The following ZNF382 variants were observed in gnomAD, a reference collection of about 807,000 sequenced individuals.
ZNF382 encodes the protein KRAB/zinc finger suppressor protein 1.
A neutral mutation model predicts 38.8 loss-of-function variants in ZNF382; 20 were observed. The observed-to-expected ratio is 0.51, with a 90% CI of 0.36 to 0.75. The LOEUF is 0.75. Ranked by LOEUF, ZNF382 falls within the 30% of genes least tolerant of loss-of-function variation. ZNF382 has a pLI of 0.00. For synonymous variants in ZNF382, 202 were observed against 223.1 expected (o/e 0.91, Z 0.84); for missense variants, 546 against 654.1 (o/e 0.83, Z 1.80).
At chr19:36,612,562 A>G (rs1469382754) in intron 4 of ZNF382, among the ~76,000 whole-genome samples, 2 of 152,226 alleles carry the variant, frequency 1.3e-5, no homozygotes, top group East Asian at 1.9e-4. Context: ...TAAAACTACT[A>G]TACCATTTTA....
intron 4 of ZNF382, among the ~76,000 whole-genome samples, chr19:36,622,905 T>G (rs904737016): frequency 1.6e-4 from 25 of 152,188 alleles, no homozygotes; most frequent in African/African-American, 5.8e-4. Context: ...CTCCATGAAA[T>G]ACCTTGACTA....
At chr19:36,620,464 T>C (rs910707495) in intron 4 of ZNF382, among the ~76,000 whole-genome samples, 2 of 152,354 alleles carry the variant, frequency 1.3e-5, no homozygotes, top group South Asian at 2.1e-4. Context: ...ATTAGGCCTC[T>C]CATTGGTCCT....
intron 2 of ZNF382, chr19:36,609,586 C>T (rs1335174365): frequency 2.3e-5 from 4 of 173,728 alleles, no homozygotes; most frequent in South Asian, 1.9e-4. Context: ...TTACCTTGTA[C>T]GTATTTCTGT....
At chr19:36,624,107 CTA>C (rs1291404363) in intron 4 of ZNF382, among the ~76,000 whole-genome samples, 1 of 151,690 alleles carries the variant, frequency 6.6e-6, no homozygotes, top group East Asian at 1.9e-4. Flanking sequence ...AAAGGAAAGA[CTA>C]TGTGAAAACT....
At position 36,626,520 on chromosome 19, in the gene ZNF382, C is replaced by A. The variant is rs2037214680; in HGVS notation, c.623C>A (p.Pro208Gln). ...ELIQHQKVQA[P>Q]EQPFDHNECE... ...ATTCAGCATCAGAAGGTTCAAGCTC[C>A]AGAGCAACCATTTGACCATAATGAA... Residue 208 changes from proline to glutamine, a missense_variant, in exon 5 of 5, where the codon CCA becomes CAA. Physicochemically the swap from Pro to Gln is moderately conservative, Grantham distance 76 (BLOSUM62 -1). Transcript: ENST00000292928. The A allele has an allele frequency of 6.2e-7, 1 of 1,610,896 alleles. No homozygotes were observed. The highest frequency in any genetic ancestry group is 1.7e-5 in the Admixed American group (1 of 59,380).
At chr19:36,605,958 T>C (rs1277775063) in intron 1 of ZNF382, among the ~76,000 whole-genome samples, 1 of 152,272 alleles carries the variant, frequency 6.6e-6, no homozygotes, top group African/African-American at 2.4e-5. Flanking sequence ...GTGGGGCCTG[T>C]AGGTTGGTGG....
chr19:36,616,181 G>A (rs1210108186), intron 4 of ZNF382, among the ~76,000 whole-genome samples: 2 of 152,106 alleles, frequency 1.3e-5, no homozygotes, highest in African/African-American at 2.4e-5. Context: ...GGAGTGTGAG[G>A]CCAGCCTGGG....
At chr19:36,618,698 T>A (rs1329460021) in intron 4 of ZNF382, among the ~76,000 whole-genome samples, 2 of 151,956 alleles carry the variant, frequency 1.3e-5, no homozygotes, top group East Asian at 3.9e-4. Context: ...GTTTTTTTTT[T>A]ATCAGCTGGA....
rs1054976432 is a variant in ZNF382 at position 36,631,589 on chromosome 19, T to C, written c.*4039T>C. ...TTTTAGTAGAGACGGGGTTTCACCA[T>C]GTTGGCCAGGATGGTCTCAATCTCC... On this transcript the variant is annotated 3_prime_UTR_variant, in exon 5 of 5. Transcript: ENST00000292928. 1 of 152,166 alleles carries C rather than the reference T, an allele frequency of 6.6e-6. No individual in the cohort carries two copies. The highest frequency in any genetic ancestry group is 1.5e-5 in the Non-Finnish European group (1 of 68,138). 9.4% of individuals were successfully genotyped at this position (152,166 alleles called of 1,614,324 possible).
chr19:36,634,001 T>C lies in ZNF382; in HGVS notation c.*6451T>C, dbSNP rs978661582. On this transcript the variant is annotated 3_prime_UTR_variant, in exon 5 of 5. Coordinates refer to ENST00000292928, the MANE Select transcript of ZNF382 (RefSeq NM_032825.5). ...TTGGAATTGTTTTGTATCCTGCTTG[T>C]GGTCATAGATAAAAAATCTATGCAT... The C allele has an allele frequency of 1.3e-5, 2 of 150,144 alleles. No individual in the cohort carries two copies. The highest frequency in any genetic ancestry group is 4.8e-5 in the African/African-American group (2 of 41,320). The allele number at this position is 150,144 out of a possible 1,614,324, so 9.3% of individuals were successfully genotyped here. A position where few individuals can be genotyped will look rare whatever the true frequency, so the allele number is the denominator to read the frequency against.
intron 4 of ZNF382, among the ~76,000 whole-genome samples, chr19:36,617,239 A>G (rs1216859977): frequency 6.6e-6 from 1 of 152,204 alleles, no homozygotes; most frequent in Non-Finnish European, 1.5e-5. Flanking sequence ...AGAAAAACCC[A>G]GGAAGAAAGA....
chr19:36,627,455 T>C lies in ZNF382; in HGVS notation c.1558T>C (p.Tyr520His), dbSNP rs758547743. 3.1e-6 allele frequency: 5 copies of C among 1,613,950 alleles called. No homozygotes were observed. Among genetic ancestry groups the C allele is most frequent in the South Asian group, 1.1e-5 (1 of 91,086 alleles). Residue 520 changes from tyrosine to histidine, a missense_variant, in exon 5 of 5, where the codon TAT (tyrosine) becomes CAT (histidine). By Grantham distance (83) the Tyr-to-His change is moderately conservative (BLOSUM62 2). Transcript: ENST00000292928. ...HQKTHTGEKP[Y>H]ECKQCGKFFS... Reference sequence around the variant, plus strand: ...GAAAACTCACACAGGCGAGAAACCATATGAATGTAAACAGTGTGGGAAGTT... The same window carrying C: ...GAAAACTCACACAGGCGAGAAACCACATGAATGTAAACAGTGTGGGAAGTT...
chr19:36,610,495 T>C, intron 3 of ZNF382, 155 bp from the exon 4 acceptor site: 1 of 501,050 alleles, frequency 2.0e-6, no homozygotes, highest in East Asian at 3.5e-5. Flanking sequence ...GAAAAGAAAA[T>C]ATGATTATAT....
chr19:36,626,042 A>G, intron 4 of ZNF382, 88 bp from the exon 5 acceptor site: 1 of 894,256 alleles, frequency 1.1e-6, no homozygotes, highest in South Asian at 3.4e-5. Context: ...CACGGTAGTG[A>G]GATAGTCCCA....
At chr19:36,608,562 G>A (rs1426277695) in intron 2 of ZNF382, 1 of 152,064 alleles carries the variant, frequency 6.6e-6, no homozygotes, top group Admixed American at 6.6e-5. Context: ...GATGCTAATT[G>A]GTTCTCTTCT....
At chr19:36,623,265 A>G (rs1362808527) in intron 4 of ZNF382, among the ~76,000 whole-genome samples, 1 of 152,200 alleles carries the variant, frequency 6.6e-6, no homozygotes, top group Non-Finnish European at 1.5e-5. Context: ...TTCAGATAAC[A>G]GTGTGTAAAC....
In ZNF382 at chr19:36,626,793, C is replaced by T; in HGVS notation, c.896C>T (p.Pro299Leu). The stretch of plus-strand genomic sequence containing the variant: ...ACAGAAGAGAAACCCTTTCACTGTC[C>T]TTACTGTGGGAATAACTTTAGAAGG... ...PQTEEKPFHC[P>L]YCGNNFRRKS... The change falls in exon 5 of 5, where the codon CCT becomes CTT. Residue 299 changes from proline (P) to leucine (L), a missense_variant. Transcript: ENST00000292928. The T allele has an allele frequency of 6.2e-7, 1 of 1,614,216 alleles. No homozygotes were observed. Among genetic ancestry groups the T allele is most frequent in the Non-Finnish European group, 8.5e-7 (1 of 1,180,052 alleles).
At position 36,614,601 on chromosome 19, in the gene ZNF382, T is replaced by C. The variant is rs557899137; in HGVS notation, c.232+3859T>C. Among the ~76,000 whole-genome samples, 7 of 152,278 alleles carry C rather than the reference T, an allele frequency of 4.6e-5. No individual in the cohort carries two copies. The East Asian group carries it at 1.4e-3, about 29-fold the overall frequency. On this transcript the variant is annotated intron_variant, in intron 4 of 4. Coordinates refer to ENST00000292928, the MANE Select transcript of ZNF382 (RefSeq NM_032825.5). ...TTACATATTGCTCATTAAGTTTCTC[T>C]CTAAGCTTTTAATATTTCTGATTCT...
At chr19:36,610,388 C>T (rs533651030) in intron 3 of ZNF382, 49 of 373,774 alleles carry the variant, frequency 1.3e-4, no homozygotes, top group African/African-American at 5.2e-4. Flanking sequence ...ACCTGGGAGA[C>T]GAGGTTGCAG....
Sources: allele counts gnomAD v4.1 joint callset (sites outside exome capture counted in the v4.1 genomes callset), GRCh38; gene constraint gnomAD v4.1.1; transcripts MANE v1.5; gene names NCBI Gene and HGNC (gene_info 2026-07-23, HGNC 2026-07-21).